Variants in RP1L1 observed in about 807,000 individuals in gnomAD.
RP1L1 encodes the protein retinitis pigmentosa 1-like 1 protein.
A neutral mutation model predicts 15.7 loss-of-function variants in RP1L1; 27 were observed. The observed-to-expected ratio is 1.72, with a 90% CI of 1.27 to 2.38. The LOEUF is 2.38. Among genes scored for constraint, RP1L1 ranks in the 30% most tolerant of loss-of-function variants. The pLI, the probability that RP1L1 is intolerant of heterozygous loss-of-function variation, is 0.00. For synonymous variants in RP1L1, 1,813 were observed against 1,276.7 expected (o/e 1.42, Z -8.96); for missense variants, 4,798 against 3,075.9 (o/e 1.56, Z -13.24).
chr8:10,613,226 C>G lies in RP1L1; in HGVS notation c.872G>C (p.Arg291Thr), dbSNP rs1797908910. The change falls in exon 4 of 4, where the codon AGG becomes ACG. Residue 291 changes from arginine (R) to threonine (T), a missense_variant. Physicochemically the swap from Arg to Thr is moderately conservative, Grantham distance 71 (BLOSUM62 -1). Transcript: ENST00000382483. ...SNPPVGPAPG[R>T]HPQDTPAQSG... Reference sequence around the variant, plus strand: ...CTGAGCTGGCGTGTCCTGAGGGTGCCTGCCAGGAGCAGGGCCCACCGGGGG... The same window carrying G: ...CTGAGCTGGCGTGTCCTGAGGGTGCGTGCCAGGAGCAGGGCCCACCGGGGG... 3.1e-6 allele frequency: 5 copies of G among 1,613,114 alleles called. No individual in the cohort carries two copies. In the South Asian group the frequency reaches 5.5e-5, roughly 18 times the overall value.
intron 2 of RP1L1, among the ~76,000 whole-genome samples, chr8:10,619,821 A>G (rs964973794): frequency 3.9e-5 from 6 of 152,206 alleles, no homozygotes; most frequent in African/African-American, 1.4e-4. Context: ...TTAGCTGGGC[A>G]TGGTGGCAGG....
intron 1 of RP1L1, among the ~76,000 whole-genome samples, chr8:10,626,485 G>T (rs1006401653): frequency 2.0e-5 from 3 of 152,168 alleles, no homozygotes; most frequent in Non-Finnish European, 4.4e-5. Flanking sequence ...CAGGGAGCTG[G>T]GTCCTTTGCA....
In RP1L1 at chr8:10,611,551, A is replaced by C; in HGVS notation, c.2547T>G (p.Cys849Trp). 1 of 1,598,240 alleles carries C rather than the reference A, an allele frequency of 6.3e-7. No individual in the cohort carries two copies. The highest frequency in any genetic ancestry group is 8.5e-7 in the Non-Finnish European group (1 of 1,172,816). The stretch of plus-strand genomic sequence containing the variant: ...TGGGCGGGGTGGGACAGTACCTGCC[A>C]CACAGCCAGCTAGCCTCAGGGGAGG... ...RGPSPEASWL[C>W]GRYCPTPPRG... The change falls in exon 4 of 4, where the codon TGT (cysteine) becomes TGG (tryptophan). Residue 849 changes from cysteine to tryptophan, a missense_variant. Cys to Trp is a radical substitution (Grantham distance 215). Coordinates refer to ENST00000382483, the MANE Select transcript of RP1L1 (RefSeq NM_178857.6).
chr8:10,619,721 G>A (rs1018335414), intron 2 of RP1L1, among the ~76,000 whole-genome samples: 1 of 152,026 alleles, frequency 6.6e-6, no homozygotes, highest in Non-Finnish European at 1.5e-5. Context: ...GAGGTCAAGA[G>A]TTCAAGACCA....
chr8:10,654,060 G>A (rs188625518), intron 1 of RP1L1, among the ~76,000 whole-genome samples: 45 of 152,304 alleles, frequency 3.0e-4, no homozygotes, highest in East Asian at 2.9e-3. Context: ...GAGGCACAGG[G>A]ACAGTTAGCT....
At position 10,611,841 on chromosome 8, in the gene RP1L1, A is replaced by C. The variant is rs542094183; in HGVS notation, c.2257T>G (p.Ser753Ala). ...AVHSDFVSGV[S>A]PHNAPSAGWA... ...CCGGCAGAGGGAGCGTTGTGCGGGG[A>C]GACTCCAGAAACAAAATCCGAGTGG... The change falls in exon 4 of 4, where the codon TCC becomes GCC. Residue 753 changes from serine to alanine, a missense_variant. By Grantham distance (99) the Ser-to-Ala change is moderately conservative. Transcript: ENST00000382483. The C allele has an allele frequency of 3.1e-6, 5 of 1,613,716 alleles. No homozygotes were observed. Among genetic ancestry groups the C allele is most frequent in the Non-Finnish European group, 4.2e-6 (5 of 1,180,020 alleles).
Position 10,610,074 on chromosome 8 carries a change from T to C in RP1L1, c.4024A>G (p.Lys1342Glu), listed in dbSNP as rs766110696. ...QEEGVQLEET[K>E]ETEGEGQQEE... Reference sequence around the variant, plus strand: ...TGCTGTCCTTCTCCTTCTGTTTCTTTAGTTTCCTCTAACTGCACCCCCTCT... The same window carrying C: ...TGCTGTCCTTCTCCTTCTGTTTCTTCAGTTTCCTCTAACTGCACCCCCTCT... Residue 1342 changes from lysine (K) to glutamate (E), a missense_variant, in exon 4 of 4, where the codon AAA (lysine) becomes GAA (glutamate). Lys to Glu is a moderately conservative substitution (Grantham distance 56). Coordinates refer to ENST00000382483, the MANE Select transcript of RP1L1 (RefSeq NM_178857.6). The C allele has an allele frequency of 3.4e-6, 5 of 1,483,486 alleles. No individual in the cohort carries two copies. The highest frequency in any genetic ancestry group is 4.5e-6 in the Non-Finnish European group (5 of 1,099,116). 91.9% of individuals were successfully genotyped at this position (1,483,486 alleles called of 1,614,324 possible).
In RP1L1 at chr8:10,607,089, C is replaced by A. The variant is rs1369639726; in HGVS notation, c.7009G>T (p.Glu2337Ter). 1 of 1,614,252 alleles carries A rather than the reference C, an allele frequency of 6.2e-7. No homozygotes were observed. Among genetic ancestry groups the A allele is most frequent in the Admixed American group, 1.7e-5 (1 of 60,034 alleles). Residue 2337 changes from glutamate to a stop codon, truncating the protein, a stop_gained, in exon 4 of 4, where the codon GAG becomes TAG. Transcript: ENST00000382483. LOFTEE classifies it low-confidence loss of function (END_TRUNC). ...DAKSTGTPHA[E>*]RKATRMYPES... ...GGGTACATCCTGGTGGCCTTCCTCT[C>A]TGCATGAGGGGTCCCCGTGGACTTG...
chr8:10,652,377 C>T (rs1030237097), intron 1 of RP1L1, among the ~76,000 whole-genome samples: 1 of 152,222 alleles, frequency 6.6e-6, no homozygotes, highest in Non-Finnish European at 1.5e-5. Flanking sequence ...GGGGCCTCCT[C>T]AGAAACTGAT....
Position 10,645,892 on chromosome 8 carries a change from C to G in RP1L1, c.-20+9006G>C, listed in dbSNP as rs4841403. On this transcript the variant is annotated intron_variant, in intron 1 of 3. Transcript: ENST00000382483. Reference sequence around the variant, plus strand: ...AGCATGGCCCTGGCGGCTGGGAGCACTTGCTGCACCTGGCCTTTCTCCTCT... The same window carrying G: ...AGCATGGCCCTGGCGGCTGGGAGCAGTTGCTGCACCTGGCCTTTCTCCTCT... Among the ~76,000 whole-genome samples the G allele has an allele frequency of 7.7e-3, 1,174 of 152,302 alleles. 48 individuals are homozygous for G. The highest frequency in any genetic ancestry group is 0.068 in the East Asian group (351 of 5,174).
intron 1 of RP1L1, among the ~76,000 whole-genome samples, chr8:10,643,520 G>A (rs1186189552): frequency 2.6e-5 from 4 of 152,090 alleles, no homozygotes; most frequent in Non-Finnish European, 5.9e-5. Flanking sequence ...AGGGATCAGA[G>A]ATAAGAGATA....
At chr8:10,628,448 G>C (rs374109877) in intron 1 of RP1L1, among the ~76,000 whole-genome samples, 2 of 151,986 alleles carry the variant, frequency 1.3e-5, no homozygotes, top group East Asian at 3.9e-4. Flanking sequence ...CAAGTGCATG[G>C]GCTCCTGCAG....
At position 10,609,836 on chromosome 8, in the gene RP1L1, G is replaced by T. The variant is rs769465248; in HGVS notation, c.4262C>A (p.Ser1421Tyr). 2 of 1,614,114 alleles carry T rather than the reference G, an allele frequency of 1.2e-6. No homozygotes were observed. Among genetic ancestry groups the T allele is most frequent in the Non-Finnish European group, 1.7e-6 (2 of 1,180,024 alleles). Reference protein sequence around the residue: ...SEASSPDGKGSQEDDPVQEEE... With the variant: ...SEASSPDGKGYQEDDPVQEEE... ...CTCCTGGACTGGGTCATCTTCCTGG[G>T]AGCCTTTCCCATCCGGAGAGCTGGC... Residue 1421 changes from serine to tyrosine, a missense_variant, in exon 4 of 4, where the codon TCC (serine) becomes TAC (tyrosine). Ser to Tyr is a moderately radical substitution (Grantham distance 144). Transcript: ENST00000382483.
At chr8:10,638,937 G>A (rs987927751) in intron 1 of RP1L1, among the ~76,000 whole-genome samples, 1 of 152,004 alleles carries the variant, frequency 6.6e-6, no homozygotes, top group Non-Finnish European at 1.5e-5. Flanking sequence ...TTGAGGCCAT[G>A]AGTTCGAGAC....
chr8:10,628,155 T>C (rs1346708676), intron 1 of RP1L1, among the ~76,000 whole-genome samples: 1 of 152,198 alleles, frequency 6.6e-6, no homozygotes, highest in Non-Finnish European at 1.5e-5. Context: ...AGTGACCTAC[T>C]TGAATTGTCT....
intron 1 of RP1L1, among the ~76,000 whole-genome samples, chr8:10,651,564 T>C (rs1456682890): frequency 6.6e-6 from 1 of 151,912 alleles, no homozygotes; most frequent in Non-Finnish European, 1.5e-5. Flanking sequence ...CCATCTCTAC[T>C]AAAAATACAA....
Position 10,612,724 on chromosome 8 carries a change from G to A in RP1L1, c.1374C>T (p.Ser458=). ...CSQDSASPAS[S]TGLPEGSEPE... ...GCTCCGAGCCCTCGGGGAGGCCGGT[G>A]CTGGAGGCTGGGCTGGCACTGTCCT... The change falls in exon 4 of 4, where the codon AGC becomes AGT. Residue 458 remains serine (S), a synonymous_variant. Transcript: ENST00000382483. 1 of 1,606,008 alleles carries A rather than the reference G, an allele frequency of 6.2e-7. No homozygotes were observed. The highest frequency in any genetic ancestry group is 8.5e-7 in the Non-Finnish European group (1 of 1,179,200).
At chr8:10,646,749 G>C (rs557951897) in intron 1 of RP1L1, among the ~76,000 whole-genome samples, 51 of 152,298 alleles carry the variant, frequency 3.3e-4, no homozygotes, top group Non-Finnish European at 5.1e-4. Context: ...TACTAGCTAC[G>C]TGACTTTAGG....
intron 1 of RP1L1, among the ~76,000 whole-genome samples, chr8:10,629,487 G>C (rs1798208545): frequency 6.6e-6 from 1 of 152,202 alleles, no homozygotes; most frequent in African/African-American, 2.4e-5. Flanking sequence ...AATTAGGATT[G>C]GCCAGGGTTT....
Sources: allele counts gnomAD v4.1 joint callset (sites outside exome capture counted in the v4.1 genomes callset), GRCh38; gene constraint gnomAD v4.1.1; transcripts MANE v1.5; gene names NCBI Gene and HGNC (gene_info 2026-07-23, HGNC 2026-07-21).